Variants in SDK1 observed in about 807,000 individuals in gnomAD.
SDK1 encodes the protein sidekick cell adhesion molecule 1, also known as protein sidekick-1.
Under a neutral mutation model 245.5 loss-of-function variants are expected in SDK1, and 157 were observed. That is an observed-to-expected ratio of 0.64 (90% CI 0.56 to 0.73). The LOEUF is 0.73. Among genes scored for constraint, SDK1 ranks in the 30% least tolerant of loss-of-function variants. The pLI, the probability that SDK1 is intolerant of heterozygous loss-of-function variation, is 0.00. For missense variants in SDK1, 3,583 were observed against 3,002.3 expected (o/e 1.19, Z -4.52); for synonymous variants, 1,647 against 1,278.5 (o/e 1.29, Z -6.15).
intron 16 of SDK1, among the ~76,000 whole-genome samples, chr7:4,014,023 C>T (rs2128150513): frequency 6.6e-6 from 1 of 152,372 alleles, no homozygotes; most frequent in African/African-American, 2.4e-5. Flanking sequence ...CTGCTCTTGC[C>T]CCTGCCTTAG....
At chr7:4,168,919 C>T (rs1371019213) in intron 32 of SDK1, among the ~76,000 whole-genome samples, 1 of 152,182 alleles carries the variant, frequency 6.6e-6, no homozygotes, top group Non-Finnish European at 1.5e-5. Flanking sequence ...TCCCACCCCA[C>T]CACCAGTGTG....
chr7:4,191,413 C>T (rs924118002), intron 35 of SDK1, among the ~76,000 whole-genome samples: 3 of 152,242 alleles, frequency 2.0e-5, no homozygotes, highest in Non-Finnish European at 2.9e-5. Context: ...TGGAGCATCG[C>T]GCGGTGCCCG....
chr7:3,525,419 T>G (rs1783093580), intron 1 of SDK1, among the ~76,000 whole-genome samples: 1 of 152,198 alleles, frequency 6.6e-6, no homozygotes. Context: ...TGTCTCCCTT[T>G]TCTTGTGTCT....
intron 4 of SDK1, among the ~76,000 whole-genome samples, chr7:3,703,248 A>G (rs1784789119): frequency 6.6e-6 from 1 of 152,184 alleles, no homozygotes; most frequent in South Asian, 2.1e-4. Context: ...TTTACAAATT[A>G]TGGTGCATTC....
chr7:3,505,978 C>G (rs1782379324), intron 1 of SDK1, among the ~76,000 whole-genome samples: 1 of 152,136 alleles, frequency 6.6e-6, no homozygotes, highest in African/African-American at 2.4e-5. Context: ...CTCTACAATA[C>G]ATTTTTATTT....
intron 38 of SDK1, among the ~76,000 whole-genome samples, chr7:4,210,848 C>T (rs1198384161): frequency 1.3e-5 from 2 of 152,168 alleles, no homozygotes; most frequent in African/African-American, 2.4e-5. Flanking sequence ...ACAGCCCGAG[C>T]GTGATCAGTG....
At chr7:4,109,276 T>A (rs1273468648) in intron 22 of SDK1, among the ~76,000 whole-genome samples, 2 of 152,142 alleles carry the variant, frequency 1.3e-5, no homozygotes, top group Non-Finnish European at 2.9e-5. Flanking sequence ...CGTTGAGAGT[T>A]TTGCGCTTTG....
chr7:4,212,614 G>A (rs572229825), intron 38 of SDK1, among the ~76,000 whole-genome samples: 43 of 152,168 alleles, frequency 2.8e-4, no homozygotes, highest in Non-Finnish European at 4.7e-4. Context: ...GGGCCTGGAC[G>A]AGGCTGCCTT....
chr7:3,729,863 A>G (rs1011543683), intron 4 of SDK1, among the ~76,000 whole-genome samples: 14 of 152,022 alleles, frequency 9.2e-5, no homozygotes, highest in African/African-American at 2.9e-4. Context: ...GGCTAAGATC[A>G]AGTGAAGAAC....
chr7:3,833,741 G>A (rs1041650490), intron 5 of SDK1, among the ~76,000 whole-genome samples: 1 of 152,228 alleles, frequency 6.6e-6, no homozygotes, highest in African/African-American at 2.4e-5. Context: ...GAAAATGTAT[G>A]AAGCGAATAG....
At chr7:3,858,639 G>A (rs759062495) in intron 5 of SDK1, among the ~76,000 whole-genome samples, 9 of 151,758 alleles carry the variant, frequency 5.9e-5, no homozygotes, top group Non-Finnish European at 8.8e-5. Flanking sequence ...AATAGGGAAT[G>A]GTATATCTGT....
At chr7:3,598,866 A>G (rs977470871) in intron 1 of SDK1, among the ~76,000 whole-genome samples, 18 of 130,744 alleles carry the variant, frequency 1.4e-4, no homozygotes, top group African/African-American at 4.3e-4. Flanking sequence ...TCACCTTTTG[A>G]AGGACGTGGG....
chr7:3,582,403 G>A (rs1180739529), intron 1 of SDK1, among the ~76,000 whole-genome samples: 1 of 148,350 alleles, frequency 6.7e-6, no homozygotes, highest in African/African-American at 2.5e-5. Context: ...CCCTCAGGTA[G>A]GTCTCCCTCA....
chr7:4,008,289 C>T (rs1479270462), intron 14 of SDK1, among the ~76,000 whole-genome samples: 9 of 152,228 alleles, frequency 5.9e-5, no homozygotes, highest in East Asian at 1.9e-4. Flanking sequence ...ATTCATCCAT[C>T]GGTGGGCAGT....
At chr7:3,494,537 G>A (rs1175862716) in intron 1 of SDK1, among the ~76,000 whole-genome samples, 1 of 152,190 alleles carries the variant, frequency 6.6e-6, no homozygotes, top group Non-Finnish European at 1.5e-5. Flanking sequence ...GCACAGTGAT[G>A]TTATGTATGA....
At chr7:3,441,385 A>G (rs1325598374) in intron 1 of SDK1, among the ~76,000 whole-genome samples, 25 of 151,948 alleles carry the variant, frequency 1.6e-4, no homozygotes, top group Admixed American at 1.6e-3. Context: ...AAAATCTCAA[A>G]AAAACAAAAA....
chr7:4,095,519 C>T (rs1217581152), intron 22 of SDK1, among the ~76,000 whole-genome samples: 1 of 152,150 alleles, frequency 6.6e-6, no homozygotes, highest in Non-Finnish European at 1.5e-5. Context: ...CAGCTACTTT[C>T]ACCTTCTTGT....
intron 4 of SDK1, among the ~76,000 whole-genome samples, chr7:3,687,898 T>A (rs1784337365): frequency 6.6e-6 from 1 of 152,234 alleles, no homozygotes; most frequent in Non-Finnish European, 1.5e-5. Flanking sequence ...CCAGGATTGC[T>A]GTATTTTTCT....
chr7:4,127,030 T>C (rs1039871140), intron 25 of SDK1, among the ~76,000 whole-genome samples: 1 of 152,150 alleles, frequency 6.6e-6, no homozygotes, highest in African/African-American at 2.4e-5. Context: ...ATACCACATT[T>C]AGAGCTGTCA....
Sources: gnomAD v4.1 joint callset for allele counts (sites outside exome capture counted in the v4.1 genomes callset) on GRCh38, gnomAD v4.1.1 for gene constraint, MANE v1.5 for transcripts, NCBI Gene and HGNC (gene_info 2026-07-23, HGNC 2026-07-21) for gene names.